The following RASGRP3 variants were observed in gnomAD, a reference collection of about 807,000 sequenced individuals.
The protein encoded by RASGRP3 is RAS guanyl releasing protein 3.
A neutral mutation model predicts 82.7 loss-of-function variants in RASGRP3; 54 were observed. The ratio of observed to expected loss-of-function variants is 0.65; its 90% CI spans 0.52 to 0.82. RASGRP3 has a LOEUF of 0.82. RASGRP3 is among the 40% of genes least tolerant of loss of function. The pLI, the probability that RASGRP3 is intolerant of heterozygous loss-of-function variation, is 0.00. For synonymous variants in RASGRP3, 309 were observed against 300.5 expected (o/e 1.03, Z -0.29); for missense variants, 861 against 828.9 (o/e 1.04, Z -0.48).
At chr2:33,558,484 G>A in intron 16 of RASGRP3, 148 bp downstream of exon 16, 1 of 1,309,450 alleles carries the variant, frequency 7.6e-7, no homozygotes, top group African/African-American at 1.5e-5. Flanking sequence ...CTAAACCCTT[G>A]AATCATCCTT....
chr2:33,547,743 G>C (rs1401866975), intron 13 of RASGRP3, among the ~76,000 whole-genome samples: 2 of 152,126 alleles, frequency 1.3e-5, no homozygotes, highest in African/African-American at 4.8e-5. Flanking sequence ...GTGAGCTCAG[G>C]GCCTGAGGAA....
chr2:33,500,480 G>C (rs1669759985), intron 1 of RASGRP3, among the ~76,000 whole-genome samples: 1 of 152,162 alleles, frequency 6.6e-6, no homozygotes, highest in African/African-American at 2.4e-5. Flanking sequence ...TGGGCGAGGA[G>C]AAGAAACAAC....
intron 1 of RASGRP3, among the ~76,000 whole-genome samples, chr2:33,441,147 C>T (rs1340006877): frequency 1.3e-5 from 2 of 152,196 alleles, no homozygotes; most frequent in East Asian, 1.9e-4. Context: ...CTGCCTCGGC[C>T]TCCTGAAGTG....
intron 2 of RASGRP3, among the ~76,000 whole-genome samples, chr2:33,454,319 C>A (rs1219070074): frequency 6.6e-6 from 1 of 152,172 alleles, no homozygotes; most frequent in African/African-American, 2.4e-5. Flanking sequence ...TGCATCTATA[C>A]TTTTCTCTGT....
chr2:33,562,670 A>T (rs751455212), intron 17 of RASGRP3, 59 bp from the exon 18 acceptor site: 19 of 1,583,542 alleles, frequency 1.2e-5, no homozygotes, highest in Non-Finnish European at 1.5e-5. Context: ...CTTTCTAGGA[A>T]CACTCTTATT....
In RASGRP3 at chr2:33,458,204, T is replaced by A. The variant is rs1057380944; in HGVS notation, c.-261+10261T>A. The A allele has an allele frequency of 2.0e-5, 3 of 152,334 alleles. No homozygotes were observed. The East Asian group carries it at 5.8e-4, about 29-fold the overall frequency. 9.4% of individuals were successfully genotyped at this position (152,334 alleles called of 1,614,324 possible). A position where few individuals can be genotyped will look rare whatever the true frequency, so the allele number is the denominator to read the frequency against. On this transcript the variant is annotated intron_variant, in intron 2 of 18. Transcript: ENST00000402538. ...TGTTCTTGAATCGTATGAGTTGAAT[T>A]TTGGTTGGTTGAATGCCATTTTTAG...
intron 7 of RASGRP3, 35 bp downstream of exon 7, chr2:33,522,137 C>T: frequency 6.3e-7 from 1 of 1,578,144 alleles, no homozygotes; most frequent in Non-Finnish European, 8.6e-7. Flanking sequence ...CCAAGGATAA[C>T]AACCACCATG....
chr2:33,483,784 C>T (rs552381609), intron 1 of RASGRP3, among the ~76,000 whole-genome samples: 33 of 152,238 alleles, frequency 2.2e-4, no homozygotes, highest in African/African-American at 4.6e-4. Context: ...CCACTGCGCC[C>T]GGCCTAGTCA....
At chr2:33,520,226 G>A (rs1277670480) in intron 5 of RASGRP3, among the ~76,000 whole-genome samples, 1 of 152,154 alleles carries the variant, frequency 6.6e-6, no homozygotes, top group Non-Finnish European at 1.5e-5. Context: ...TGTGATTACG[G>A]AATGAAACTA....
chr2:33,515,351 C>G lies in RASGRP3; in HGVS notation c.70+145C>G, dbSNP rs150489838. ...TTCGGATGGACCCGGGTCTGTCTCT[C>G]CAGTTTCACTGCCCTCCATATTTCT... On this transcript the variant is annotated intron_variant, in intron 3 of 17. Coordinates refer to ENST00000403687, the MANE Select transcript of RASGRP3 (RefSeq NM_001139488.2). 6.3e-3 allele frequency: 4,620 copies of G among 733,358 alleles called. 37 individuals carry two copies. Among genetic ancestry groups the G allele is most frequent in the Middle Eastern group, 0.019 (55 of 2,854 alleles). The allele number at this position is 733,358 out of a possible 1,614,324, so 45.4% of individuals were successfully genotyped here.
upstream of RASGRP3, among the ~76,000 whole-genome samples, chr2:33,476,075 G>C (rs1276535545): frequency 6.6e-6 from 1 of 152,098 alleles, no homozygotes; most frequent in Non-Finnish European, 1.5e-5. Context: ...TAGCAGCCCC[G>C]GCCTTTGAAG....
chr2:33,540,554 TTTTG>T (rs60086766), intron 12 of RASGRP3, among the ~76,000 whole-genome samples: 3,580 of 26,112 alleles, frequency 0.14, 279 homozygotes, highest in East Asian at 0.22. Flanking sequence ...TGTGTGTGTG[TTTTG>T]TGTGTGTGTG....
intron 2 of RASGRP3, among the ~76,000 whole-genome samples, chr2:33,452,651 A>G (rs899797436): frequency 2.0e-5 from 3 of 152,140 alleles, no homozygotes. Context: ...TTGTTCTAGG[A>G]TGGGCCTGGA....
At chr2:33,497,300 G>A (rs1322854967) in intron 1 of RASGRP3, among the ~76,000 whole-genome samples, 1 of 152,218 alleles carries the variant, frequency 6.6e-6, no homozygotes, top group Non-Finnish European at 1.5e-5. Context: ...CAGTAGACAT[G>A]AGATATTGTG....
At chr2:33,555,700 A>T (rs2151107524) in intron 15 of RASGRP3, 133 bp downstream of exon 15, 1 of 757,258 alleles carries the variant, frequency 1.3e-6, no homozygotes, top group South Asian at 1.7e-5. Context: ...GCAACTGAGA[A>T]TGATTGCCTC....
upstream of RASGRP3, chr2:33,476,584 C>G (rs1354612265): frequency 6.6e-6 from 1 of 152,146 alleles, no homozygotes; most frequent in African/African-American, 2.4e-5. Flanking sequence ...TCAGGAGGTA[C>G]ATGTGACTGG....
At chr2:33,529,581 TTCTC>T (rs1488943228) in intron 10 of RASGRP3, among the ~76,000 whole-genome samples, 1 of 151,832 alleles carries the variant, frequency 6.6e-6, no homozygotes, top group Admixed American at 6.6e-5. Context: ...GGAGGAATCT[TTCTC>T]TCTCTGTCTC....
At chr2:33,441,429 T>TG (rs746501399) in intron 1 of RASGRP3, among the ~76,000 whole-genome samples, 11 of 152,214 alleles carry the variant, frequency 7.2e-5, no homozygotes, top group Non-Finnish European at 1.6e-4. Flanking sequence ...TGCTCTCTAG[T>TG]GGCAATACCA....
At chr2:33,460,703 CAG>C (rs1666314525) in intron 2 of RASGRP3, among the ~76,000 whole-genome samples, 1 of 151,928 alleles carries the variant, frequency 6.6e-6, no homozygotes, top group Admixed American at 6.6e-5. Flanking sequence ...ATAATAGAGA[CAG>C]AGTTTCACCT....
Sources: gnomAD v4.1 joint callset for allele counts (sites outside exome capture counted in the v4.1 genomes callset) on GRCh38, gnomAD v4.1.1 for gene constraint, MANE v1.5 for transcripts, NCBI Gene and HGNC (gene_info 2026-07-23, HGNC 2026-07-21) for gene names.